The following SLC25A40 variants were observed in gnomAD, a reference collection of about 807,000 sequenced individuals.
SLC25A40 encodes mitochondrial glutathione transporter SLC25A40.
In SLC25A40, 41 loss-of-function variants were observed where a neutral mutation model predicts 46.5. The observed-to-expected ratio is 0.88, with a 90% CI of 0.69 to 1.14. The LOEUF is 1.14. SLC25A40 is among the 50% of genes most tolerant of loss of function. The pLI, the probability that SLC25A40 is intolerant of heterozygous loss-of-function variation, is 0.00. For missense variants in SLC25A40, 386 were observed against 393.6 expected (o/e 0.98, Z 0.16); for synonymous variants, 126 against 127.5 (o/e 0.99, Z 0.08).
At position 87,847,019 on chromosome 7, in the gene SLC25A40, T is replaced by A. The variant is rs766968151; in HGVS notation, c.561A>T (p.Val187=). ...AAAGGGAAATCCAACCATCTTCAGA[T>A]ACTTTCTTGCTGACAAATCGATGCA... ...VELHRFVSKK[V]SEDGWISLWR... is the part of the protein sequence containing the mutation. The change falls in exon 8 of 12, where the codon GTA becomes GTT. Residue 187 remains valine (V), a synonymous_variant. Coordinates refer to ENST00000341119, the MANE Select transcript of SLC25A40 (RefSeq NM_018843.4). 1 of 1,613,826 alleles carries A rather than the reference T, an allele frequency of 6.2e-7. No individual in the cohort carries two copies. Among genetic ancestry groups the A allele is most frequent in the Non-Finnish European group, 8.5e-7 (1 of 1,179,826 alleles).
intron 5 of SLC25A40, among the ~76,000 whole-genome samples, chr7:87,852,944 A>G (rs542093640): frequency 1.3e-5 from 2 of 152,352 alleles, no homozygotes; most frequent in South Asian, 4.1e-4. Context: ...AAAAGCTCTT[A>G]GCCTTGATAC....
chr7:87,843,817 C>T lies in SLC25A40; in HGVS notation c.678G>A (p.Glu226=), dbSNP rs1439839724. ...ATGTTGGCTCATATAAACCAGATTT[C>T]TCACATAACCACTTCTTTAAAATTT... ...NYEILKKWLC[E]KSGLYEPTFM... is the part of the protein sequence containing the mutation. Residue 226 remains glutamate, a synonymous_variant, in exon 9 of 12, where the codon GAG becomes GAA. Coordinates refer to ENST00000341119, the MANE Select transcript of SLC25A40 (RefSeq NM_018843.4). 6.2e-7 allele frequency: 1 copy of T among 1,611,178 alleles called. No individual in the cohort carries two copies. Among genetic ancestry groups the T allele is most frequent in the African/African-American group, 1.3e-5 (1 of 74,832 alleles).
At chr7:87,868,912 T>C (rs145597211) in intron 1 of SLC25A40, among the ~76,000 whole-genome samples, 4 of 152,338 alleles carry the variant, frequency 2.6e-5, no homozygotes, top group South Asian at 4.1e-4. Flanking sequence ...CTTCTAATCA[T>C]GCCTTCATTT....
chr7:87,869,971 A>G (rs1043694170), intron 1 of SLC25A40, among the ~76,000 whole-genome samples: 2 of 152,176 alleles, frequency 1.3e-5, no homozygotes, highest in African/African-American at 4.8e-5. Context: ...TGGTATGGTC[A>G]GTTTTAACAT....
chr7:87,868,943 C>T (rs1271689951), intron 1 of SLC25A40, among the ~76,000 whole-genome samples: 2 of 152,156 alleles, frequency 1.3e-5, no homozygotes, highest in African/African-American at 4.8e-5. Flanking sequence ...CAATCCTACC[C>T]TAAAGCTATC....
intron 5 of SLC25A40, 64 bp downstream of exon 5, chr7:87,854,140 A>G: frequency 1.8e-6 from 2 of 1,128,306 alleles, no homozygotes; most frequent in Non-Finnish European, 2.7e-6. Flanking sequence ...GCAATTAGAA[A>G]ATATTTCACA....
At chr7:87,864,901 T>C (rs1332225100) in intron 1 of SLC25A40, among the ~76,000 whole-genome samples, 3 of 152,166 alleles carry the variant, frequency 2.0e-5, no homozygotes, top group Non-Finnish European at 2.9e-5. Flanking sequence ...CTTCCATTCT[T>C]ACTGTTTTCC....
intron 1 of SLC25A40, among the ~76,000 whole-genome samples, chr7:87,873,694 T>G (rs1330941781): frequency 6.6e-6 from 1 of 152,134 alleles, no homozygotes. Flanking sequence ...CCTCCCAAAG[T>G]GCTGGGATTA....
chr7:87,861,020 C>A (rs985073018), intron 1 of SLC25A40, among the ~76,000 whole-genome samples: 1 of 152,058 alleles, frequency 6.6e-6, no homozygotes, highest in Non-Finnish European at 1.5e-5. Context: ...TGTAAGAGGG[C>A]GAACCTTTAA....
At position 87,847,996 on chromosome 7, in the gene SLC25A40, A is replaced by G. The variant is rs549234161; in HGVS notation, c.333-19T>C. ...CATCACTCTGTTAGATCACACAAAAAGATTTGTTCAAAATTATCAAAAGAT... is the reference window on the plus strand; with the variant it reads ...CATCACTCTGTTAGATCACACAAAAGGATTTGTTCAAAATTATCAAAAGAT... On this transcript the variant is annotated intron_variant, in intron 6 of 11. Coordinates refer to ENST00000341119, the MANE Select transcript of SLC25A40 (RefSeq NM_018843.4). The G allele has an allele frequency of 3.1e-6, 5 of 1,587,910 alleles. No individual in the cohort carries two copies. In the African/African-American group the frequency reaches 5.4e-5, roughly 17 times the overall value.
chr7:87,858,071 G>C (rs1394550943), intron 3 of SLC25A40, among the ~76,000 whole-genome samples: 1 of 152,142 alleles, frequency 6.6e-6, no homozygotes, highest in Admixed American at 6.5e-5. Context: ...CTGGTCTCCT[G>C]CAGTACCCTC....
In SLC25A40 at chr7:87,865,200, A is replaced by G. The variant is rs557088158; in HGVS notation, c.-93-4560T>C. On this transcript the variant is annotated intron_variant, in intron 1 of 11. Transcript: ENST00000341119. ...AATAAGTTTTTCCATTGTGGTTGGC[A>G]TGAATTTTAAAAATCATCTTGTAAA... 2.1e-4 allele frequency among the ~76,000 whole-genome samples: 32 copies of G among 152,228 alleles called. No individual in the cohort carries two copies. In the East Asian group the frequency reaches 6.0e-3, roughly 28 times the overall value.
rs1584319855 is a variant in SLC25A40 at position 87,835,514 on chromosome 7, A to C, written c.*735T>G. 1 of 151,596 alleles carries C rather than the reference A, an allele frequency of 6.6e-6. No individual in the cohort carries two copies. The highest frequency in any genetic ancestry group is 2.4e-5 in the African/African-American group (1 of 41,400). 9.4% of individuals were successfully genotyped at this position (151,596 alleles called of 1,614,324 possible). ...GTTTACCACTGAACACCCAAGTTTGACTGAAGTGAACATTTGCTACTATCA... is the reference window on the plus strand; with the variant it reads ...GTTTACCACTGAACACCCAAGTTTGCCTGAAGTGAACATTTGCTACTATCA... On this transcript the variant is annotated 3_prime_UTR_variant, in exon 12 of 12. Coordinates refer to ENST00000341119, the MANE Select transcript of SLC25A40 (RefSeq NM_018843.4).
chr7:87,869,690 T>C (rs1216887569), intron 1 of SLC25A40, among the ~76,000 whole-genome samples: 1 of 152,232 alleles, frequency 6.6e-6, no homozygotes, highest in Admixed American at 6.5e-5. Flanking sequence ...TTCTGAATAC[T>C]ATTCCATTAC....
rs1838230226 is a variant in SLC25A40, at chr7:87,834,264, T to C, written c.*1985A>G. On this transcript the variant is annotated 3_prime_UTR_variant, in exon 12 of 12. Transcript: ENST00000341119. The stretch of plus-strand genomic sequence containing the variant: ...GTTCAATTATTTTATCAGACAGAAC[T>C]CTGAGAGCAAATTAAAATTTTAAAA... 6.6e-6 allele frequency: 1 copy of C among 151,854 alleles called. No individual in the cohort carries two copies. Among genetic ancestry groups the C allele is most frequent in the South Asian group, 2.1e-4 (1 of 4,816 alleles). 9.4% of individuals were successfully genotyped at this position (151,854 alleles called of 1,614,324 possible). A position where few individuals can be genotyped will look rare whatever the true frequency, so the allele number is the denominator to read the frequency against.
chr7:87,866,602 T>C (rs1838803415), intron 1 of SLC25A40, among the ~76,000 whole-genome samples: 1 of 152,192 alleles, frequency 6.6e-6, no homozygotes, highest in South Asian at 2.1e-4. Flanking sequence ...AGGAGAAACG[T>C]CTCCTTATTG....
chr7:87,845,939 C>G (rs932104711), intron 8 of SLC25A40, among the ~76,000 whole-genome samples: 1 of 151,952 alleles, frequency 6.6e-6, no homozygotes, highest in Non-Finnish European at 1.5e-5. Context: ...TCTATATTAC[C>G]TAGTAAAATT....
chr7:87,874,898 T>TTTCA (rs1171134042), intron 1 of SLC25A40, among the ~76,000 whole-genome samples: 1 of 152,256 alleles, frequency 6.6e-6, no homozygotes, highest in Non-Finnish European at 1.5e-5. Context: ...AATTCTCTTA[T>TTTCA]TTCACATGCT....
chr7:87,867,386 T>C (rs1006489623), intron 1 of SLC25A40, among the ~76,000 whole-genome samples: 40 of 152,226 alleles, frequency 2.6e-4, no homozygotes, highest in African/African-American at 9.7e-4. Context: ...CTGTTCACAG[T>C]ATCTAATCAA....
Sources: allele counts gnomAD v4.1 joint callset (sites outside exome capture counted in the v4.1 genomes callset), GRCh38; gene constraint gnomAD v4.1.1; transcripts MANE v1.5; gene names NCBI Gene and HGNC (gene_info 2026-07-23, HGNC 2026-07-21).